The following BMP8A variants were observed in gnomAD, a reference collection of about 807,000 sequenced individuals.
BMP8A encodes the protein BMP-8A.
BMP8A carries 14 observed loss-of-function variants against 36.8 expected under a neutral mutation model. That is an observed-to-expected ratio of 0.38 (90% CI 0.25 to 0.60). The LOEUF (loss-of-function observed/expected upper bound fraction) is 0.60, where lower values mean the gene tolerates loss of function less well. Among genes scored for constraint, BMP8A ranks in the 20% least tolerant of loss-of-function variants. BMP8A has a pLI of 0.63. For missense variants in BMP8A, 267 were observed against 551.1 expected (o/e 0.48, Z 5.16); for synonymous variants, 120 against 237.7 (o/e 0.50, Z 4.55).
chr1:39,514,635 G>A (rs922975753), intron 3 of BMP8A, among the ~76,000 whole-genome samples: 1 of 151,966 alleles, frequency 6.6e-6, no homozygotes, highest in Non-Finnish European at 1.5e-5. Context: ...GGGCGGGGTG[G>A]TTGGAGTTTG....
At chr1:39,507,101 C>T (rs957437927) in intron 1 of BMP8A, among the ~76,000 whole-genome samples, 48 of 152,176 alleles carry the variant, frequency 3.2e-4, no homozygotes, top group Non-Finnish European at 4.4e-5. Flanking sequence ...ATGTACTGCC[C>T]AGAAACCTTG....
rs1188935734 is a variant in BMP8A, at chr1:39,525,631, T to G, written c.1060-18T>G. 4.3e-6 allele frequency: 7 copies of G among 1,612,978 alleles called. No homozygotes were observed. The stretch of plus-strand genomic sequence containing the variant: ...GCCACTGGCCTCATGCCCCTGCCTG[T>G]GCTCCCTTCCTGGCCAGGTGCACCT... On this transcript the variant is annotated intron_variant, in intron 6 of 6. Coordinates refer to ENST00000331593, the MANE Select transcript of BMP8A (RefSeq NM_181809.4).
chr1:39,525,621 C>A, intron 6 of BMP8A, 28 bp from the exon 7 acceptor site: 1 of 1,611,630 alleles, frequency 6.2e-7, no homozygotes, highest in Non-Finnish European at 8.5e-7. Context: ...TGGCCTCATG[C>A]CCCTGCCTGT....
intron 1 of BMP8A, among the ~76,000 whole-genome samples, chr1:39,497,933 GC>G (rs1645219923): frequency 1.3e-5 from 2 of 152,180 alleles, no homozygotes; most frequent in Admixed American, 1.3e-4. Flanking sequence ...TCCCCACAGG[GC>G]CCTGCCTGGA....
rs113902821 is a variant in BMP8A at position 39,526,339 on chromosome 1, A to AT, written c.*557dup. ...GGACATCCCCACGAAGCCACTGGGGATTTTTTTTTTTTTTTTCCAGATAGA... is the reference window on the plus strand; with the variant it reads ...GGACATCCCCACGAAGCCACTGGGGATTTTTTTTTTTTTTTTTCCAGATAGA... On this transcript the variant is annotated 3_prime_UTR_variant, in exon 7 of 7. Transcript: ENST00000331593. Among the ~76,000 whole-genome samples the AT allele has an allele frequency of 0.076, 10,723 of 140,796 alleles. 457 individuals carry two copies. The highest frequency in any genetic ancestry group is 0.13 in the Middle Eastern group (35 of 272). 92.4% of individuals were successfully genotyped at this position (140,796 alleles called of 152,430 possible).
At chr1:39,510,770 G>C (rs1194753622) in intron 1 of BMP8A, among the ~76,000 whole-genome samples, 1 of 152,220 alleles carries the variant, frequency 6.6e-6, no homozygotes, top group African/African-American at 2.4e-5. Context: ...AGGTTTCCCT[G>C]CAGGGCTGGG....
In BMP8A at chr1:39,525,688, T is replaced by C; in HGVS notation, c.1099T>C (p.Cys367Arg). Residue 367 changes from cysteine (C) to arginine (R), a missense_variant, in exon 7 of 7, where the codon TGT becomes CGT. Transcript: ENST00000331593. Reference sequence around the variant, plus strand: ...GCCAAACGCAGTCCCCAAGGCGTGCTGTGCACCCACCAAGCTGAGCGCCAC... The same window carrying C: ...GCCAAACGCAGTCCCCAAGGCGTGCCGTGCACCCACCAAGCTGAGCGCCAC... Reference protein sequence around the residue: ...MKPNAVPKACCAPTKLSATSV... With the variant: ...MKPNAVPKACRAPTKLSATSV... 6.2e-7 allele frequency: 1 copy of C among 1,614,138 alleles called. No individual in the cohort carries two copies. The highest frequency in any genetic ancestry group is 8.5e-7 in the Non-Finnish European group (1 of 1,180,014).
At chr1:39,493,167 G>A (rs773006027) in intron 1 of BMP8A, among the ~76,000 whole-genome samples, 2 of 152,218 alleles carry the variant, frequency 1.3e-5, no homozygotes, top group African/African-American at 4.8e-5. Flanking sequence ...ACAGGCCGGG[G>A]TCTGGGAGCC....
intron 3 of BMP8A, among the ~76,000 whole-genome samples, chr1:39,518,877 G>A (rs1362067067): frequency 7.4e-6 from 1 of 135,650 alleles, no homozygotes; most frequent in Non-Finnish European, 1.5e-5. Context: ...GACCCACCTT[G>A]CTCTGGGACC....
At position 39,492,279 on chromosome 1, in the gene BMP8A, G is replaced by T; in HGVS notation, c.288G>T (p.Glu96Asp). 1 of 1,563,854 alleles carries T rather than the reference G, an allele frequency of 6.4e-7. No individual in the cohort carries two copies. Among genetic ancestry groups the T allele is most frequent in the Non-Finnish European group, 8.6e-7 (1 of 1,165,740 alleles). The change falls in exon 1 of 7, where the codon GAG (glutamate) becomes GAT (aspartate). Residue 96 changes from glutamate to aspartate, a missense_variant. Coordinates refer to ENST00000331593, the MANE Select transcript of BMP8A (RefSeq NM_181809.4). The stretch of plus-strand genomic sequence containing the variant: ...ACGACGAGGACGGCGCGCCCGCGGA[G>T]CAGCGCCTGGGCCGCGCCGACCTGG... ...GDDDEDGAPA[E>D]QRLGRADLVM...
At chr1:39,497,612 TG>T (rs972768497) in intron 1 of BMP8A, among the ~76,000 whole-genome samples, 2 of 152,110 alleles carry the variant, frequency 1.3e-5, no homozygotes, top group Non-Finnish European at 2.9e-5. Context: ...CCACCTGCAT[TG>T]CATGCACTTT....
In BMP8A at chr1:39,525,953, G is replaced by T; in HGVS notation, c.*155G>T. On this transcript the variant is annotated 3_prime_UTR_variant, in exon 7 of 7. Coordinates refer to ENST00000331593, the MANE Select transcript of BMP8A (RefSeq NM_181809.4). Reference sequence around the variant, plus strand: ...CTGTCAGGCTTCTGGTCCTTTCTCGGTACCTCTGTGCCCCTCCCCTGGGGT... The same window carrying T: ...CTGTCAGGCTTCTGGTCCTTTCTCGTTACCTCTGTGCCCCTCCCCTGGGGT... 9 of 1,306,866 alleles carry T rather than the reference G, an allele frequency of 6.9e-6. No individual in the cohort carries two copies. The highest frequency in any genetic ancestry group is 1.4e-5 in the South Asian group (1 of 70,838). The allele number at this position is 1,306,866 out of a possible 1,614,324, so 81.0% of individuals were successfully genotyped here. A position where few individuals can be genotyped will look rare whatever the true frequency, so the allele number is the denominator to read the frequency against.
rs571733749 is a variant in BMP8A, at chr1:39,496,708, G to T, written c.334+4383G>T. Among the ~76,000 whole-genome samples, 3 of 152,300 alleles carry T rather than the reference G, an allele frequency of 2.0e-5. No homozygotes were observed. In the East Asian group the frequency reaches 5.8e-4, roughly 29 times the overall value. On this transcript the variant is annotated intron_variant, in intron 1 of 6. Coordinates refer to ENST00000331593, the MANE Select transcript of BMP8A (RefSeq NM_181809.4). ...TGGTTTTCCCAAGGCCACACAGCAG[G>T]TTGTCCCCCTGCCTCCATGTGAAAC... is the stretch of plus-strand genomic sequence containing the variant.
chr1:39,511,287 A>G lies in BMP8A; in HGVS notation c.448A>G (p.Lys150Glu). 1 of 1,213,256 alleles carries G rather than the reference A, an allele frequency of 8.2e-7. No homozygotes were observed. The allele number at this position is 1,213,256 out of a possible 1,614,324, so 75.2% of individuals were successfully genotyped here. The change falls in exon 2 of 7, where the codon AAG becomes GAG. Residue 150 changes from lysine (K) to glutamate (E), a missense_variant. Coordinates refer to ENST00000331593, the MANE Select transcript of BMP8A (RefSeq NM_181809.4). Reference sequence around the variant, plus strand: ...CACAGCTGCGGAGTTCCGGATTTACAAGGTGCCCAGCATCCACCTGCTCAA... The same window carrying G: ...CACAGCTGCGGAGTTCCGGATTTACGAGGTGCCCAGCATCCACCTGCTCAA... ...AVTAAEFRIYKVPSIHLLNRT... is the reference protein window; with the variant it reads ...AVTAAEFRIYEVPSIHLLNRT...
At chr1:39,505,623 A>G (rs546562565) in intron 1 of BMP8A, among the ~76,000 whole-genome samples, 24 of 152,298 alleles carry the variant, frequency 1.6e-4, no homozygotes, top group African/African-American at 5.5e-4. Context: ...TTCATTTTAA[A>G]CATGAGAAAA....
intron 6 of BMP8A, 27 bp downstream of exon 6, chr1:39,523,144 C>T (rs577389099): frequency 9.3e-6 from 15 of 1,610,448 alleles, no homozygotes; most frequent in Non-Finnish European, 1.2e-5. Context: ...TCCTGCCCAG[C>T]CCCCTGGGGT....
intron 1 of BMP8A, among the ~76,000 whole-genome samples, chr1:39,507,452 G>C (rs2124345079): frequency 6.6e-6 from 1 of 152,316 alleles, no homozygotes; most frequent in South Asian, 2.1e-4. Flanking sequence ...GAGCGCTTTT[G>C]GCCAGTTCCA....
rs1645501514 is a variant in BMP8A, at chr1:39,528,063, G to A, written c.*2265G>A. The stretch of plus-strand genomic sequence containing the variant: ...GTGTGGTCTCTTCAGTGCCCAGTGT[G>A]TAACCTGGCATGGTTTGGGTGTGCT... On this transcript the variant is annotated 3_prime_UTR_variant, in exon 7 of 7. Coordinates refer to ENST00000331593, the MANE Select transcript of BMP8A (RefSeq NM_181809.4). 6.6e-6 allele frequency among the ~76,000 whole-genome samples: 1 copy of A among 152,216 alleles called. No individual in the cohort carries two copies. The highest frequency in any genetic ancestry group is 2.1e-4 in the South Asian group (1 of 4,832).
chr1:39,504,663 G>A (rs1487230986), intron 1 of BMP8A, among the ~76,000 whole-genome samples: 1 of 152,242 alleles, frequency 6.6e-6, no homozygotes, highest in Non-Finnish European at 1.5e-5. Flanking sequence ...GAGAGACTGA[G>A]AAAAGAAATA....
Sources: allele counts gnomAD v4.1 joint callset (sites outside exome capture counted in the v4.1 genomes callset), GRCh38; gene constraint gnomAD v4.1.1; transcripts MANE v1.5; gene names NCBI Gene and HGNC (gene_info 2026-07-23, HGNC 2026-07-21).